Variants in CFAP47 observed in about 807,000 individuals in gnomAD.
The protein encoded by CFAP47 is cilia and flagella associated protein 47.
In CFAP47, 29 loss-of-function variants were observed where a neutral mutation model predicts 148.1. That is an observed-to-expected ratio of 0.20 (90% confidence interval 0.15 to 0.27). The LOEUF is 0.27. Among genes scored for constraint, CFAP47 ranks in the 10% least tolerant of loss-of-function variants. The pLI, the probability that CFAP47 is intolerant of heterozygous loss-of-function variation, is 1.00. For missense variants in CFAP47, 1,872 were observed against 1,697.5 expected, an observed-to-expected ratio of 1.10 and a Z score of -1.81; for synonymous variants, 664 against 577.3, an observed-to-expected ratio of 1.15 and a Z score of -2.15.
chrX:36,235,442 C>T lies in CFAP47; in HGVS notation c.7015-492C>T, dbSNP rs1476503885. On this transcript the variant is annotated intron_variant, in intron 46 of 63. Coordinates refer to ENST00000378653, the MANE Select transcript of CFAP47 (RefSeq NM_001304548.2). ...CGAGCCAGGTGGGGGATATAATCTC[C>T]TGGTGCGCCATTTTTTTAAGCCTGT... Among the ~76,000 whole-genome samples, 3 of 112,566 alleles carry T rather than the reference C, an allele frequency of 2.7e-5. No individual in the cohort carries two copies. In the East Asian group the frequency reaches 8.5e-4, roughly 32 times the overall value.
chrX:36,066,784 G>C (rs1451897202), intron 27 of CFAP47, among the ~76,000 whole-genome samples: 1 of 111,506 alleles, frequency 9.0e-6, no homozygotes, highest in Non-Finnish European at 1.9e-5. Flanking sequence ...TTCCCAAAGA[G>C]CAAAAAGGGT....
intron 61 of CFAP47, among the ~76,000 whole-genome samples, chrX:36,362,952 T>C (rs1941841493): frequency 9.0e-6 from 1 of 111,670 alleles, no homozygotes; most frequent in Non-Finnish European, 1.9e-5. Flanking sequence ...TATGTATTAA[T>C]ATAATGACAT....
chrX:36,370,221 G>A (rs1008727198), intron 62 of CFAP47, among the ~76,000 whole-genome samples: 15 of 108,892 alleles, frequency 1.4e-4, no homozygotes, highest in African/African-American at 4.7e-4. Context: ...ATTTACATTA[G>A]GTATTTCTCC....
At chrX:36,013,334 G>A (rs1399797620) in intron 21 of CFAP47, among the ~76,000 whole-genome samples, 1 of 111,791 alleles carries the variant, frequency 8.9e-6, no homozygotes, top group East Asian at 2.8e-4. Flanking sequence ...CCTGGGTGCC[G>A]ATATTGTCAG....
chrX:36,263,934 A>G (rs1299136265), intron 49 of CFAP47, among the ~76,000 whole-genome samples: 1 of 111,791 alleles, frequency 8.9e-6, no homozygotes, highest in African/African-American at 3.3e-5. Flanking sequence ...CCTGGGTATT[A>G]CTGCTGGTTA....
intron 44 of CFAP47, among the ~76,000 whole-genome samples, chrX:36,202,360 A>C (rs190612418): frequency 2.8e-4 from 31 of 111,247 alleles, no homozygotes; most frequent in African/African-American, 1.0e-3. Context: ...TATCCTTTGG[A>C]TGATCTACAT....
chrX:36,347,598 C>T (rs186482634), intron 57 of CFAP47, among the ~76,000 whole-genome samples: 4 of 111,814 alleles, frequency 3.6e-5, no homozygotes, highest in African/African-American at 1.3e-4. Context: ...TGCTATGCAG[C>T]TATAAAAAAG....
Position 36,235,965 on chromosome X carries a change from A to T in CFAP47, c.7046A>T (p.Gln2349Leu). ...CAAACAAACGATAAATGGACCTTTC[A>T]AGTTACTATAGAAGGAGAATGGTTT... ...KNQTNDKWTF[Q>L]VTIEGEWFYG... The change falls in exon 47 of 64, where the codon CAA becomes CTA. Residue 2349 changes from glutamine to leucine, a missense_variant. Gln to Leu is a moderately radical substitution (Grantham distance 113, BLOSUM62 -2). Coordinates refer to ENST00000378653, the MANE Select transcript of CFAP47 (RefSeq NM_001304548.2). 2.0e-6 allele frequency: 1 copy of T among 508,315 alleles called. No individual in the cohort carries two copies. Among genetic ancestry groups the T allele is most frequent in the South Asian group, 2.8e-5 (1 of 35,444 alleles). 41.9% of individuals were successfully genotyped at this position (508,315 alleles called of 1,213,427 possible).
chrX:36,049,606 A>T (rs1937508102), intron 26 of CFAP47, among the ~76,000 whole-genome samples: 1 of 110,923 alleles, frequency 9.0e-6, no homozygotes, highest in East Asian at 2.8e-4. Flanking sequence ...TTATTAATTT[A>T]TTTTGCTCAA....
rs878937882 is a variant in CFAP47 at position 35,987,660 on chromosome X, A to T, written c.2714-1659A>T. On this transcript the variant is annotated intron_variant, in intron 15 of 63. Transcript: ENST00000378653. ...TTCCAGGTGCCACTGGGGTATGAAAAAAAACTCCTGCAGCTAGCTTGGTGT... is the reference window on the plus strand; with the variant it reads ...TTCCAGGTGCCACTGGGGTATGAAATAAAACTCCTGCAGCTAGCTTGGTGT... Among the ~76,000 whole-genome samples, 4 of 111,319 alleles carry T rather than the reference A, an allele frequency of 3.6e-5. No individual in the cohort carries two copies. In the Admixed American group the frequency reaches 3.8e-4, roughly 11 times the overall value.
intron 45 of CFAP47, among the ~76,000 whole-genome samples, chrX:36,226,465 CTCT>C (rs60546324): frequency 0.21 from 23,566 of 110,681 alleles, 4,409 homozygotes; most frequent in African/African-American, 0.62. Flanking sequence ...GTTTTTAAAT[CTCT>C]TATTTATAAT....
chrX:35,951,984 T>C (rs1279844718), intron 6 of CFAP47, 21 bp downstream of exon 6: 2 of 1,140,311 alleles, frequency 1.8e-6, no homozygotes, highest in Middle Eastern at 2.5e-4. Context: ...ATTAATTTCA[T>C]TGTAATGTTA....
intron 45 of CFAP47, among the ~76,000 whole-genome samples, chrX:36,222,684 T>C (rs1246544071): frequency 1.8e-5 from 2 of 110,926 alleles, no homozygotes; most frequent in Middle Eastern, 4.3e-3. Context: ...GCTGATTTCT[T>C]TTTTTAATGT....
intron 57 of CFAP47, among the ~76,000 whole-genome samples, chrX:36,332,062 T>C (rs968158521): frequency 1.8e-5 from 2 of 112,187 alleles, no homozygotes; most frequent in Admixed American, 1.9e-4. Context: ...TTGCTCATTA[T>C]ATTTACTTTT....
intron 46 of CFAP47, among the ~76,000 whole-genome samples, chrX:36,235,054 C>T (rs782819164): frequency 2.7e-5 from 3 of 111,310 alleles, no homozygotes; most frequent in African/African-American, 6.5e-5. Context: ...TTAGGCTGCT[C>T]GGGGGTCAGG....
At chrX:36,012,104 A>G (rs904607839) in intron 21 of CFAP47, among the ~76,000 whole-genome samples, 2 of 111,874 alleles carry the variant, frequency 1.8e-5, no homozygotes, top group Non-Finnish European at 1.9e-5. Flanking sequence ...TGCAAATCAG[A>G]ATTACAATGA....
chrX:36,310,462 A>G (rs1941384662), intron 55 of CFAP47, among the ~76,000 whole-genome samples: 1 of 108,474 alleles, frequency 9.2e-6, no homozygotes, highest in East Asian at 2.9e-4. Flanking sequence ...AATTCACCCA[A>G]AGAGTTTGGA....
At chrX:36,189,665 C>G (rs1363824493) in intron 41 of CFAP47, among the ~76,000 whole-genome samples, 1 of 111,641 alleles carries the variant, frequency 9.0e-6, no homozygotes, top group Non-Finnish European at 1.9e-5. Context: ...GTGTGCCATA[C>G]TTAGATAGAT....
At chrX:35,952,914 A>G (rs1453848561) in intron 6 of CFAP47, among the ~76,000 whole-genome samples, 1 of 111,990 alleles carries the variant, frequency 8.9e-6, no homozygotes, top group Non-Finnish European at 1.9e-5. Context: ...TGACCACACT[A>G]TTTGTATTCA....
Sources: allele counts gnomAD v4.1 joint callset (sites outside exome capture counted in the v4.1 genomes callset), GRCh38; gene constraint gnomAD v4.1.1; transcripts MANE v1.5; gene names NCBI Gene and HGNC (gene_info 2026-07-23, HGNC 2026-07-21).